The following GRIN3A variants were observed in gnomAD, a reference collection of about 807,000 sequenced individuals.
GRIN3A encodes glutamate receptor ionotropic, NMDA 3A.
Under a neutral mutation model 92.4 loss-of-function variants are expected in GRIN3A, and 47 were observed. The observed-to-expected ratio is 0.51, with a 90% confidence interval of 0.40 to 0.65. The LOEUF is 0.65. GRIN3A is among the 30% of genes least tolerant of loss of function. The probability of loss-of-function intolerance (pLI) is 0.00; values close to 1 mark genes in which losing one functional copy is unlikely to be tolerated. For missense variants in GRIN3A, 1,324 were observed against 1,393.1 expected (o/e 0.95, Z 0.79); for synonymous variants, 527 against 540.6 (o/e 0.97, Z 0.35).
intron 5 of GRIN3A, among the ~76,000 whole-genome samples, chr9:101,616,486 T>C (rs1828455383): frequency 6.6e-6 from 1 of 152,080 alleles, no homozygotes; most frequent in South Asian, 2.1e-4. Flanking sequence ...GCTTTTGACG[T>C]TGTCATCATT....
chr9:101,576,054 C>G (rs995608797), intron 8 of GRIN3A, among the ~76,000 whole-genome samples: 2 of 152,182 alleles, frequency 1.3e-5, no homozygotes, highest in Non-Finnish European at 2.9e-5. Context: ...GTGACAAATG[C>G]TGAGTGTAAG....
chr9:101,717,112 G>A (rs1390288604), intron 1 of GRIN3A, among the ~76,000 whole-genome samples: 1 of 152,174 alleles, frequency 6.6e-6, no homozygotes, highest in East Asian at 1.9e-4. Flanking sequence ...ACTGTACTGT[G>A]CATATATGAA....
At chr9:101,579,699 C>T (rs1827866312) in intron 6 of GRIN3A, among the ~76,000 whole-genome samples, 1 of 152,194 alleles carries the variant, frequency 6.6e-6, no homozygotes, top group African/African-American at 2.4e-5. Flanking sequence ...GATGGGAGGT[C>T]TGTCATGCCT....
At chr9:101,673,592 T>C (rs866300933) in intron 2 of GRIN3A, among the ~76,000 whole-genome samples, 3 of 152,290 alleles carry the variant, frequency 2.0e-5, no homozygotes, top group Middle Eastern at 3.4e-3. Flanking sequence ...GGAATGACAA[T>C]GCATAGCAAA....
At chr9:101,692,005 C>T (rs867793459) in intron 1 of GRIN3A, among the ~76,000 whole-genome samples, 12 of 152,210 alleles carry the variant, frequency 7.9e-5, no homozygotes, top group African/African-American at 2.2e-4. Context: ...AAGTGCCTGG[C>T]GCAGAGTGAG....
intron 1 of GRIN3A, among the ~76,000 whole-genome samples, chr9:101,693,525 C>T (rs913540155): frequency 6.6e-6 from 1 of 152,096 alleles, no homozygotes; most frequent in Non-Finnish European, 1.5e-5. Context: ...ATAAAAGCAA[C>T]ATGTGCAGTA....
intron 1 of GRIN3A, 70 bp from the exon 2 acceptor site, chr9:101,687,270 G>T (rs984941419): frequency 4.0e-6 from 6 of 1,487,118 alleles, no homozygotes; most frequent in Non-Finnish European, 5.6e-6. Flanking sequence ...GGGTACTTTT[G>T]CTTTCTTATG....
At chr9:101,719,245 CT>C (rs2119025321) in intron 1 of GRIN3A, among the ~76,000 whole-genome samples, 1 of 152,178 alleles carries the variant, frequency 6.6e-6, no homozygotes, top group Non-Finnish European at 1.5e-5. Context: ...AGTCAAACCC[CT>C]TCTCTAATAA....
intron 5 of GRIN3A, among the ~76,000 whole-genome samples, chr9:101,619,016 G>A (rs146450971): frequency 6.6e-6 from 1 of 152,146 alleles, no homozygotes; most frequent in African/African-American, 2.4e-5. Context: ...TGGCCCAAGA[G>A]AACAGTTTTC....
At chr9:101,661,690 T>G (rs1293475337) in intron 3 of GRIN3A, among the ~76,000 whole-genome samples, 1 of 151,822 alleles carries the variant, frequency 6.6e-6, no homozygotes, top group African/African-American at 2.4e-5. Context: ...AATAAGTTGT[T>G]GTCCACATAC....
chr9:101,669,285 C>A (rs1442067992), intron 3 of GRIN3A, among the ~76,000 whole-genome samples: 1 of 152,062 alleles, frequency 6.6e-6, no homozygotes, highest in Non-Finnish European at 1.5e-5. Context: ...CTGGTTCAAT[C>A]CAGAGAGAAC....
chr9:101,710,765 G>A (rs1273224820), intron 1 of GRIN3A, among the ~76,000 whole-genome samples: 1 of 152,136 alleles, frequency 6.6e-6, no homozygotes, highest in Non-Finnish European at 1.5e-5. Flanking sequence ...ATGGTTTTAG[G>A]CACTCTGAAT....
At chr9:101,715,200 T>TAAAAA (rs5899459) in intron 1 of GRIN3A, among the ~76,000 whole-genome samples, 2 of 127,676 alleles carry the variant, frequency 1.6e-5, no homozygotes, top group Admixed American at 7.9e-5. Context: ...ACAAAAATGG[T>TAAAAA]AAAAAAAAAA....
chr9:101,577,559 G>A (rs1827841264), intron 8 of GRIN3A, among the ~76,000 whole-genome samples: 1 of 152,152 alleles, frequency 6.6e-6, no homozygotes, highest in African/African-American at 2.4e-5. Context: ...GTTGATCCTA[G>A]AGTCCATGAC....
In GRIN3A at chr9:101,628,343, T is replaced by A. The variant is rs966961788; in HGVS notation, c.2411A>T (p.Asp804Val). The change falls in exon 4 of 9, where the codon GAT becomes GTT. Residue 804 changes from aspartate to valine, a missense_variant. Asp to Val is a radical substitution (Grantham distance 152). Coordinates refer to ENST00000361820, the MANE Select transcript of GRIN3A (RefSeq NM_133445.3). Reference sequence around the variant, plus strand: ...CTCTGGGAAACTTTGTCTCACATAATCTTCAGCACTGCTTTCTCGGACAGT... The same window carrying A: ...CTCTGGGAAACTTTGTCTCACATAAACTTCAGCACTGCTTTCTCGGACAGT... ...FGTVRESSAE[D>V]YVRQSFPEMH... The A allele has an allele frequency of 5.0e-6, 8 of 1,613,868 alleles. No individual in the cohort carries two copies. The African/African-American group carries it at 9.3e-5, about 19-fold the overall frequency.
chr9:101,720,091 C>T (rs1361442011), intron 1 of GRIN3A, among the ~76,000 whole-genome samples: 1 of 152,156 alleles, frequency 6.6e-6, no homozygotes, highest in Non-Finnish European at 1.5e-5. Flanking sequence ...CTTCCAGCTG[C>T]TGCTGACCAT....
intron 3 of GRIN3A, among the ~76,000 whole-genome samples, chr9:101,635,379 T>C (rs1034722422): frequency 1.1e-4 from 17 of 152,128 alleles, no homozygotes; most frequent in African/African-American, 3.4e-4. Flanking sequence ...ACTACAACAG[T>C]AGAGGTGAGT....
intron 6 of GRIN3A, among the ~76,000 whole-genome samples, chr9:101,589,483 C>A (rs1287108361): frequency 6.6e-6 from 1 of 152,038 alleles, no homozygotes; most frequent in Non-Finnish European, 1.5e-5. Flanking sequence ...TTCATTTTTC[C>A]TGTTTTAAAT....
At chr9:101,578,456 G>A (rs986132141) in intron 7 of GRIN3A, among the ~76,000 whole-genome samples, 21 of 152,194 alleles carry the variant, frequency 1.4e-4, no homozygotes, top group African/African-American at 4.8e-4. Context: ...CTGCTGGGAG[G>A]TAATCCATGG....
Sources: allele counts gnomAD v4.1 joint callset (sites outside exome capture counted in the v4.1 genomes callset), GRCh38; gene constraint gnomAD v4.1.1; transcripts MANE v1.5; gene names NCBI Gene and HGNC (gene_info 2026-07-23, HGNC 2026-07-21).